The following EPS8 variants were observed in gnomAD, a reference collection of about 807,000 sequenced individuals.
The protein encoded by EPS8 is EGFR pathway substrate 8, signaling adaptor.
In EPS8, 42 loss-of-function variants were observed where a neutral mutation model predicts 103.8. The ratio of observed to expected loss-of-function variants is 0.40; its 90% CI spans 0.32 to 0.52. EPS8 has a LOEUF of 0.52. EPS8 is among the 20% of genes least tolerant of loss of function. The probability of loss-of-function intolerance (pLI) is 0.40; values close to 1 mark genes in which losing one functional copy is unlikely to be tolerated. For synonymous variants in EPS8, 344 were observed against 344.6 expected (o/e 1.00, Z 0.02); for missense variants, 969 against 1,005.1 (o/e 0.96, Z 0.49).
rs77737847 is a variant in EPS8 at position 15,661,355 on chromosome 12, C to G, written c.811-615G>C. 1.0e-3 allele frequency among the ~76,000 whole-genome samples: 154 copies of G among 152,204 alleles called. 1 individual carries two copies. The East Asian group carries it at 0.026, about 26-fold the overall frequency. On this transcript the variant is annotated intron_variant, in intron 9 of 20. Coordinates refer to ENST00000281172, the MANE Select transcript of EPS8 (RefSeq NM_004447.6). Reference sequence around the variant, plus strand: ...TTTAAGACTACAAATTGGGGTTAAACTTTTAAGTATAACATGTAATAGTGT... The same window carrying G: ...TTTAAGACTACAAATTGGGGTTAAAGTTTTAAGTATAACATGTAATAGTGT...
chr12:15,789,040 G>C lies in EPS8; in HGVS notation c.-22+121C>G, dbSNP rs929542264. ...ACCAGTTGAAAGCAGTCAAAGTGAA[G>C]GGAGGCGGACGCGGCTCCTGGCACC... On this transcript the variant is annotated intron_variant, in intron 1 of 20. Transcript: ENST00000281172. This position sits in a 1 kb window ranked among gnomAD's most constrained non-coding sequence, Gnocchi z 6.1. The C allele has an allele frequency of 1.3e-5, 2 of 152,232 alleles. No individual in the cohort carries two copies. The highest frequency in any genetic ancestry group is 6.5e-5 in the Admixed American group (1 of 15,288). 9.4% of individuals were successfully genotyped at this position (152,232 alleles called of 1,614,324 possible).
chr12:15,722,869 T>A (rs1334236255), intron 1 of EPS8, among the ~76,000 whole-genome samples: 1 of 152,120 alleles, frequency 6.6e-6, no homozygotes, highest in Non-Finnish European at 1.5e-5. Context: ...CATCTCTTCT[T>A]CATACTATCA....
chr12:15,782,580 A>T (rs1947271076), intron 1 of EPS8, among the ~76,000 whole-genome samples: 2 of 152,048 alleles, frequency 1.3e-5, no homozygotes, highest in Non-Finnish European at 2.9e-5. Context: ...TTAAGAAAAA[A>T]GTTAGGTATG....
At chr12:15,651,542 TAA>T (rs752656708) in intron 13 of EPS8, among the ~76,000 whole-genome samples, 6 of 152,340 alleles carry the variant, frequency 3.9e-5, no homozygotes, top group Non-Finnish European at 8.8e-5. Context: ...GCCAGTTTTA[TAA>T]ATTAAATGTA....
rs181725549 is a variant in EPS8, at chr12:15,654,307, C to A, written c.1102-14G>T. 1.2e-6 allele frequency: 2 copies of A among 1,609,806 alleles called. No individual in the cohort carries two copies. The highest frequency in any genetic ancestry group is 2.2e-5 in the East Asian group (1 of 44,854). On this transcript the variant is annotated splice_polypyrimidine_tract_variant and intron_variant, in intron 12 of 20. Transcript: ENST00000281172. ...TGCCTGCACCACCTAAGATAATAAA[C>A]CATTTTTTAGCAAGAAGATTACTAT... is the stretch of plus-strand genomic sequence containing the variant.
At chr12:15,624,108 A>G in intron 19 of EPS8, 119 bp downstream of exon 19, 2 of 744,666 alleles carry the variant, frequency 2.7e-6, no homozygotes, top group Admixed American at 2.5e-5. Context: ...AGTATGGCAC[A>G]AAGTATGCAG....
At chr12:15,643,477 T>C (rs553287529) in intron 15 of EPS8, among the ~76,000 whole-genome samples, 18 of 152,226 alleles carry the variant, frequency 1.2e-4, no homozygotes, top group Admixed American at 7.9e-4. Context: ...TGGTGGTTCA[T>C]GCCCGTAATC....
At chr12:15,678,559 G>T (rs1334464792) in intron 3 of EPS8, among the ~76,000 whole-genome samples, 2 of 152,102 alleles carry the variant, frequency 1.3e-5, no homozygotes, top group African/African-American at 4.8e-5. Context: ...TTAAAGTTAT[G>T]TGACTTTGAT....
intron 18 of EPS8, among the ~76,000 whole-genome samples, chr12:15,628,526 C>T (rs1944988078): frequency 6.6e-6 from 1 of 152,180 alleles, no homozygotes; most frequent in Admixed American, 6.5e-5. Context: ...GGGAGAAATA[C>T]AAAGCAACTA....
chr12:15,644,161 A>G (rs1292224765), intron 15 of EPS8, among the ~76,000 whole-genome samples: 1 of 152,210 alleles, frequency 6.6e-6, no homozygotes, highest in East Asian at 1.9e-4. Flanking sequence ...GTCTCAGCCA[A>G]TCCCAGCAGC....
chr12:15,762,297 A>G lies in EPS8; in HGVS notation c.-22+26864T>C, dbSNP rs576727628. Among the ~76,000 whole-genome samples, 34 of 152,340 alleles carry G rather than the reference A, an allele frequency of 2.2e-4. No individual in the cohort carries two copies. Among genetic ancestry groups the G allele is most frequent in the Admixed American group, 2.1e-3 (32 of 15,304 alleles). On this transcript the variant is annotated intron_variant, in intron 1 of 20. Coordinates refer to ENST00000281172, the MANE Select transcript of EPS8 (RefSeq NM_004447.6). The surrounding 1 kb of genome is among the most constrained non-coding windows in gnomAD (Gnocchi z 4.8). The stretch of plus-strand genomic sequence containing the variant: ...AGACAGACAATAACAAATGCCGACA[A>G]GGATGTAGAGAAAAGGGAACCCTCA...
intron 3 of EPS8, among the ~76,000 whole-genome samples, chr12:15,671,128 C>T (rs1945809469): frequency 6.6e-6 from 1 of 151,986 alleles, no homozygotes; most frequent in African/African-American, 2.4e-5. Flanking sequence ...TAGGCAAGAA[C>T]AATTTGATCC....
chr12:15,739,258 G>A (rs1398141643), intron 1 of EPS8, among the ~76,000 whole-genome samples: 1 of 152,214 alleles, frequency 6.6e-6, no homozygotes, highest in Non-Finnish European at 1.5e-5. Context: ...AGCCACATCT[G>A]TCAGACAGTA....
At chr12:15,681,687 G>A (rs981558833) in intron 2 of EPS8, among the ~76,000 whole-genome samples, 5 of 131,468 alleles carry the variant, frequency 3.8e-5, no homozygotes, top group African/African-American at 8.9e-5. Context: ...CCAAGATCGC[G>A]CTATTGCACT....
chr12:15,648,956 A>G (rs1396268011), intron 14 of EPS8, among the ~76,000 whole-genome samples: 9 of 152,320 alleles, frequency 5.9e-5, no homozygotes, highest in Admixed American at 2.0e-4. Flanking sequence ...TAGTAGCAAT[A>G]AAGTATAATA....
At chr12:15,678,264 A>G (rs938329767) in intron 3 of EPS8, among the ~76,000 whole-genome samples, 1 of 152,118 alleles carries the variant, frequency 6.6e-6, no homozygotes, top group Admixed American at 6.5e-5. Context: ...CTGTCCATTC[A>G]TTCCATAGGC....
chr12:15,659,134 A>T (rs1945559330), intron 10 of EPS8, among the ~76,000 whole-genome samples: 1 of 152,144 alleles, frequency 6.6e-6, no homozygotes, highest in Non-Finnish European at 1.5e-5. Context: ...ACGAAACAAC[A>T]AACAAAAGGA....
chr12:15,661,598 AT>A (rs1218923829), intron 9 of EPS8, among the ~76,000 whole-genome samples: 1 of 152,214 alleles, frequency 6.6e-6, no homozygotes, highest in Non-Finnish European at 1.5e-5. Flanking sequence ...AAGCTTTACG[AT>A]TTACAAATCT....
At chr12:15,657,921 T>G in intron 12 of EPS8, 158 bp downstream of exon 12, 1 of 609,060 alleles carries the variant, frequency 1.6e-6, no homozygotes, top group Non-Finnish European at 2.9e-6. Context: ...AGGGTTCTTT[T>G]AAATTCTCAA....
Sources: gnomAD v4.1 joint callset for allele counts (sites outside exome capture counted in the v4.1 genomes callset) on GRCh38, gnomAD v4.1.1 for gene constraint, Gnocchi (gnomAD v3.1) non-coding constraint, MANE v1.5 for transcripts, NCBI Gene and HGNC (gene_info 2026-07-23, HGNC 2026-07-21) for gene names.